The following SCD5 variants were observed in gnomAD, a reference collection of about 807,000 sequenced individuals.
SCD5 encodes the protein acyl-CoA-desaturase 4.
Under a neutral mutation model 30.4 loss-of-function variants are expected in SCD5, and 20 were observed. The observed-to-expected ratio is 0.66, with a 90% CI of 0.46 to 0.96. The LOEUF is 0.96. SCD5 is among the 40% of genes least tolerant of loss of function. The pLI, the probability that SCD5 is intolerant of heterozygous loss-of-function variation, is 0.00. For missense variants in SCD5, 381 were observed against 443.3 expected, an observed-to-expected ratio of 0.86 and a Z score of 1.26; for synonymous variants, 173 against 176.4, an observed-to-expected ratio of 0.98 and a Z score of 0.16.
chr4:82,722,864 T>C (rs924633828), intron 1 of SCD5, among the ~76,000 whole-genome samples: 2 of 151,828 alleles, frequency 1.3e-5, no homozygotes, highest in African/African-American at 4.8e-5. Flanking sequence ...GGTCAGAAGT[T>C]CAAGACCAGC....
At chr4:82,649,082 A>G (rs1727689999) in intron 3 of SCD5, among the ~76,000 whole-genome samples, 1 of 151,936 alleles carries the variant, frequency 6.6e-6, no homozygotes, top group Non-Finnish European at 1.5e-5. Flanking sequence ...ACACTACTAC[A>G]TTTAGTTTTC....
chr4:82,682,939 C>T (rs1728612057), intron 2 of SCD5, among the ~76,000 whole-genome samples: 1 of 152,042 alleles, frequency 6.6e-6, no homozygotes, highest in African/African-American at 2.4e-5. Flanking sequence ...TCTCAGCCTC[C>T]CGAATAGGTG....
intron 2 of SCD5, among the ~76,000 whole-genome samples, chr4:82,688,272 G>GTGCA (rs945903197): frequency 6.6e-6 from 1 of 152,140 alleles, no homozygotes; most frequent in Non-Finnish European, 1.5e-5. Flanking sequence ...AAATATGCGT[G>GTGCA]TGCATGCATG....
chr4:82,657,005 T>A (rs1175774631), intron 3 of SCD5, among the ~76,000 whole-genome samples: 1 of 152,232 alleles, frequency 6.6e-6, no homozygotes, highest in African/African-American at 2.4e-5. Flanking sequence ...TAGCCCTTGG[T>A]CAGATGAATA....
At chr4:82,762,105 T>A (rs540217462) in intron 1 of SCD5, among the ~76,000 whole-genome samples, 1 of 145,632 alleles carries the variant, frequency 6.9e-6, no homozygotes, top group African/African-American at 2.6e-5. Flanking sequence ...GCCCAGGGAG[T>A]AGAGGCTGCA....
intron 1 of SCD5, among the ~76,000 whole-genome samples, chr4:82,739,987 ACCAGCCCAG>A (rs1720839579): frequency 6.6e-6 from 1 of 152,114 alleles, no homozygotes; most frequent in African/African-American, 2.4e-5. Flanking sequence ...TCGGCTCAAC[ACCAGCCCAG>A]CCACTTCATG....
intron 1 of SCD5, among the ~76,000 whole-genome samples, chr4:82,714,386 T>C (rs954186333): frequency 2.6e-5 from 4 of 152,122 alleles, no homozygotes; most frequent in Non-Finnish European, 4.4e-5. Flanking sequence ...CCAGACAAGA[T>C]AGGTGTAGTC....
intron 1 of SCD5, among the ~76,000 whole-genome samples, chr4:82,751,958 A>C (rs1721113127): frequency 6.6e-6 from 1 of 152,186 alleles, no homozygotes; most frequent in African/African-American, 2.4e-5. Context: ...TCTTTGTTAG[A>C]AAAACATTCC....
At chr4:82,763,590 T>C (rs1578058253) in intron 1 of SCD5, among the ~76,000 whole-genome samples, 7 of 152,178 alleles carry the variant, frequency 4.6e-5, no homozygotes, top group Admixed American at 3.3e-4. Flanking sequence ...AGGAGAAATG[T>C]GGACACCCAG....
chr4:82,715,570 G>T (rs12498940), intron 1 of SCD5, among the ~76,000 whole-genome samples: 3 of 151,502 alleles, frequency 2.0e-5, no homozygotes, highest in Non-Finnish European at 2.9e-5. Flanking sequence ...CCATTCTGGC[G>T]CCAGGCTACC....
At chr4:82,698,766 A>C (rs1198552654) in intron 2 of SCD5, among the ~76,000 whole-genome samples, 1 of 152,094 alleles carries the variant, frequency 6.6e-6, no homozygotes, top group Non-Finnish European at 1.5e-5. Context: ...CTCAGCACTA[A>C]TGCCACCTCC....
At chr4:82,720,451 A>C (rs544658150) in intron 1 of SCD5, among the ~76,000 whole-genome samples, 25 of 147,594 alleles carry the variant, frequency 1.7e-4, no homozygotes, top group African/African-American at 2.8e-4. Flanking sequence ...TAAAAAAAAA[A>C]AAAAAAAAAA....
At chr4:82,679,237 A>AGAG (rs1170241091) in intron 3 of SCD5, among the ~76,000 whole-genome samples, 1 of 103,208 alleles carries the variant, frequency 9.7e-6, no homozygotes, top group African/African-American at 3.6e-5. Context: ...AGAAAGAAAG[A>AGAG]AAGAAAGAAA....
chr4:82,724,656 T>C (rs539541227), intron 1 of SCD5, among the ~76,000 whole-genome samples: 1 of 152,224 alleles, frequency 6.6e-6, no homozygotes, highest in East Asian at 1.9e-4. Context: ...TAATGCTTTC[T>C]GAGTCTGTTT....
intron 3 of SCD5, among the ~76,000 whole-genome samples, chr4:82,638,274 C>A (rs963605701): frequency 3.3e-5 from 5 of 152,110 alleles, no homozygotes; most frequent in Non-Finnish European, 7.3e-5. Context: ...GCCCCGCCCC[C>A]TGCCCTGCCC....
chr4:82,710,446 C>T (rs753582854), intron 1 of SCD5, among the ~76,000 whole-genome samples: 5 of 152,140 alleles, frequency 3.3e-5, no homozygotes, highest in African/African-American at 7.2e-5. Flanking sequence ...CACCTCCCCA[C>T]CAGCTCCCTT....
chr4:82,727,288 G>A (rs1396279497), intron 1 of SCD5, among the ~76,000 whole-genome samples: 1 of 152,188 alleles, frequency 6.6e-6, no homozygotes, highest in Non-Finnish European at 1.5e-5. Flanking sequence ...GTCACTAAGG[G>A]ATGCCATCTG....
chr4:82,659,115 T>C lies in SCD5; in HGVS notation c.569+21592A>G, dbSNP rs556737891. Among the ~76,000 whole-genome samples, 276 of 152,310 alleles carry C rather than the reference T, an allele frequency of 1.8e-3. 1 individual carries two copies. The highest frequency in any genetic ancestry group is 6.5e-3 in the African/African-American group (271 of 41,578). On this transcript the variant is annotated intron_variant, in intron 3 of 4. Coordinates refer to ENST00000319540, the MANE Select transcript of SCD5 (RefSeq NM_001037582.3). ...CATTTCTTCTAGATTTTCTAGTTTA[T>C]TTGTGTAGAGGTGTTTATAGTATTC...
At position 82,798,565 on chromosome 4, in the gene SCD5, G is replaced by T; in HGVS notation, c.-28C>A. ...CTGGGCGAGGTGGGCGCCCGCAGCA[G>T]CGGCAGGCAGGCAGGCGCTCTGCCC... On this transcript the variant is annotated 5_prime_UTR_variant, in exon 1 of 5. The change creates a new upstream start codon in the 5' untranslated region. Transcript: ENST00000319540. The T allele has an allele frequency of 1.3e-6, 2 of 1,539,268 alleles. No homozygotes were observed. Among genetic ancestry groups the T allele is most frequent in the East Asian group, 2.4e-5 (1 of 41,732 alleles).
Sources: allele counts gnomAD v4.1 joint callset (sites outside exome capture counted in the v4.1 genomes callset), GRCh38; gene constraint gnomAD v4.1.1; transcripts MANE v1.5; gene names NCBI Gene and HGNC (gene_info 2026-07-23, HGNC 2026-07-21).